The following KHDRBS2 variants were observed in gnomAD, a reference collection of about 807,000 sequenced individuals.
KHDRBS2 encodes the protein KH RNA binding domain containing, signal transduction associated 2.
A neutral mutation model predicts 44.3 loss-of-function variants in KHDRBS2; 26 were observed. That is an observed-to-expected ratio of 0.59 (90% CI 0.43 to 0.81). The LOEUF is 0.81. KHDRBS2 is among the 40% of genes least tolerant of loss of function. The pLI is 0.00. For synonymous variants in KHDRBS2, 194 were observed against 151.1 expected, an observed-to-expected ratio of 1.28 and a Z score of -2.08; for missense variants, 476 against 433.1, an observed-to-expected ratio of 1.10 and a Z score of -0.88.
chr6:61,635,579 T>A, the KHDRBS2 span, among the ~76,000 whole-genome samples: 2 of 152,086 alleles, frequency 1.3e-5, no homozygotes, highest in South Asian at 2.1e-4. Context: ...TAATGTTTCA[T>A]GTTGCAAAGG....
the KHDRBS2 span, among the ~76,000 whole-genome samples, chr6:61,555,874 G>A: frequency 6.6e-6 from 1 of 152,168 alleles, no homozygotes; most frequent in Non-Finnish European, 1.5e-5. Flanking sequence ...GGCCCACTGA[G>A]GTTGGGAACC....
intron 2 of KHDRBS2, among the ~76,000 whole-genome samples, chr6:62,102,112 A>G (rs1158166943): frequency 6.6e-6 from 1 of 152,218 alleles, no homozygotes; most frequent in Non-Finnish European, 1.5e-5. Context: ...TCCATTTATA[A>G]AACAATAATA....
intron 2 of KHDRBS2, among the ~76,000 whole-genome samples, chr6:62,139,370 G>C (rs1812271143): frequency 6.6e-6 from 1 of 151,982 alleles, no homozygotes; most frequent in South Asian, 2.1e-4. Context: ...GGCTAACACA[G>C]TGCAACCCCG....
chr6:62,119,711 G>A (rs954875586), intron 2 of KHDRBS2, among the ~76,000 whole-genome samples: 9 of 152,146 alleles, frequency 5.9e-5, no homozygotes, highest in African/African-American at 1.9e-4. Flanking sequence ...TGCCCCCAGT[G>A]GTGGCAACAT....
At chr6:61,685,312 G>A (rs1766702463) in intron 8 of KHDRBS2, among the ~76,000 whole-genome samples, 1 of 151,738 alleles carries the variant, frequency 6.6e-6, no homozygotes, top group Non-Finnish European at 1.5e-5. Context: ...TTTCTAAACT[G>A]GACTCTAAGA....
intron 4 of KHDRBS2, among the ~76,000 whole-genome samples, chr6:61,961,432 GAA>G (rs1019052282): frequency 1.4e-5 from 2 of 146,110 alleles, no homozygotes; most frequent in Admixed American, 1.4e-4. Context: ...GAGAGAGAGA[GAA>G]AGAAAGAAAG....
chr6:61,555,731 C>T, the KHDRBS2 span, among the ~76,000 whole-genome samples: 10 of 152,074 alleles, frequency 6.6e-5, no homozygotes, highest in Admixed American at 2.0e-4. Context: ...GTTTGATTGT[C>T]GCATAAGGTG....
intron 4 of KHDRBS2, among the ~76,000 whole-genome samples, chr6:61,943,730 A>C (rs1404154246): frequency 6.6e-6 from 1 of 152,216 alleles, no homozygotes; most frequent in East Asian, 1.9e-4. Flanking sequence ...TGAATGGTAG[A>C]AAATATTTGC....
intron 1 of KHDRBS2, among the ~76,000 whole-genome samples, chr6:62,276,479 T>C (rs1223936327): frequency 2.6e-5 from 4 of 152,104 alleles, no homozygotes; most frequent in South Asian, 2.1e-4. Flanking sequence ...CACAAAATTA[T>C]CCAATCACTT....
At chr6:61,852,838 T>C (rs1216451082) in intron 6 of KHDRBS2, among the ~76,000 whole-genome samples, 3 of 152,182 alleles carry the variant, frequency 2.0e-5, no homozygotes, top group Non-Finnish European at 4.4e-5. Flanking sequence ...TGTAGTGAGT[T>C]CTGTTTACTT....
intron 6 of KHDRBS2, among the ~76,000 whole-genome samples, chr6:61,820,618 C>T (rs542154011): frequency 3.9e-5 from 6 of 151,966 alleles, no homozygotes; most frequent in African/African-American, 1.4e-4. Context: ...AGGGTCAAAC[C>T]AATCCCTGCT....
At chr6:61,682,634 A>G (rs139742434) in intron 8 of KHDRBS2, among the ~76,000 whole-genome samples, 1 of 152,068 alleles carries the variant, frequency 6.6e-6, no homozygotes, top group Non-Finnish European at 1.5e-5. Flanking sequence ...TACTGCTTGA[A>G]AAGCCTAAAA....
intron 2 of KHDRBS2, among the ~76,000 whole-genome samples, chr6:62,069,406 G>A (rs1794475833): frequency 1.3e-5 from 2 of 151,648 alleles, no homozygotes; most frequent in Admixed American, 1.3e-4. Flanking sequence ...GAAATGGCAG[G>A]CAACTGCAGC....
the KHDRBS2 span, among the ~76,000 whole-genome samples, chr6:61,644,502 C>G: frequency 6.6e-6 from 1 of 152,106 alleles, no homozygotes. Context: ...AAGAAACTAT[C>G]AACAGAGTAA....
chr6:61,776,095 A>C (rs1582775784), intron 6 of KHDRBS2, among the ~76,000 whole-genome samples: 1 of 152,216 alleles, frequency 6.6e-6, no homozygotes, highest in East Asian at 1.9e-4. Flanking sequence ...CATATGTAGA[A>C]AGCTGAAACT....
At chr6:61,619,437 TTTTGTTTGTTTG>T in the KHDRBS2 span, among the ~76,000 whole-genome samples, 17 of 151,224 alleles carry the variant, frequency 1.1e-4, no homozygotes, top group Non-Finnish European at 1.8e-4. Flanking sequence ...AATACATTAT[TTTTGTTTGTTTG>T]TTTGTTTGTT....
chr6:61,921,237 C>T (rs1403361262), intron 4 of KHDRBS2, among the ~76,000 whole-genome samples: 1 of 151,898 alleles, frequency 6.6e-6, no homozygotes, highest in Non-Finnish European at 1.5e-5. Context: ...TTTAAATGCT[C>T]CTGTCATTTC....
chr6:61,830,041 T>TA (rs1196281716), intron 6 of KHDRBS2, among the ~76,000 whole-genome samples: 3 of 152,108 alleles, frequency 2.0e-5, no homozygotes, highest in Non-Finnish European at 2.9e-5. Context: ...TATTTTAAGT[T>TA]AAAAAAATAG....
intron 2 of KHDRBS2, among the ~76,000 whole-genome samples, chr6:62,050,581 T>C (rs2127311599): frequency 6.6e-6 from 1 of 151,762 alleles, no homozygotes; most frequent in African/African-American, 2.4e-5. Flanking sequence ...ATCGAATCAA[T>C]GGTAAATCTC....
Sources: allele counts gnomAD v4.1 joint callset (sites outside exome capture counted in the v4.1 genomes callset), GRCh38; gene constraint gnomAD v4.1.1; transcripts MANE v1.5; gene names NCBI Gene and HGNC (gene_info 2026-07-23, HGNC 2026-07-21).